Variants in TTI1 observed in about 807,000 individuals in gnomAD.
TTI1 encodes TELO2-interacting protein 1 homolog.
TTI1 carries 52 observed loss-of-function variants against 85.4 expected under a neutral mutation model. The ratio of observed to expected loss-of-function variants is 0.61; its 90% CI spans 0.49 to 0.77. The LOEUF (loss-of-function observed/expected upper bound fraction) is 0.77, where lower values mean the gene tolerates loss of function less well. Among genes scored for constraint, TTI1 ranks in the 30% least tolerant of loss-of-function variants. The pLI is 0.00. For missense variants in TTI1, 1,173 were observed against 1,296.0 expected (o/e 0.91, Z 1.46); for synonymous variants, 512 against 503.9 (o/e 1.02, Z -0.22).
At chr20:37,988,059 C>T (rs2073215523) in intron 7 of TTI1, among the ~76,000 whole-genome samples, 2 of 152,022 alleles carry the variant, frequency 1.3e-5, no homozygotes, top group Admixed American at 1.3e-4. Context: ...CAGGCCCTAA[C>T]TGAGGTGCTT....
chr20:37,999,130 G>A, intron 5 of TTI1, 58 bp downstream of exon 5: 1 of 1,323,132 alleles, frequency 7.6e-7, no homozygotes, highest in Admixed American at 3.0e-5. Context: ...GCCCCGGTGA[G>A]CTCTGTGCCT....
intron 4 of TTI1, chr20:38,000,494 G>A (rs2073409195): frequency 6.4e-6 from 1 of 155,652 alleles, no homozygotes; most frequent in African/African-American, 2.4e-5. Flanking sequence ...GCCAGCGCAG[G>A]CTTCCCTCCC....
At position 38,011,749 on chromosome 20, in the gene TTI1, G is replaced by A; in HGVS notation, c.2068C>T (p.Leu690=). 1 of 1,614,194 alleles carries A rather than the reference G, an allele frequency of 6.2e-7. No homozygotes were observed. Among genetic ancestry groups the A allele is most frequent in the East Asian group, 2.2e-5 (1 of 44,886 alleles). Residue 690 remains leucine (L), a synonymous_variant, in exon 2 of 8, where the codon CTG becomes TTG. Coordinates refer to ENST00000373447, the MANE Select transcript of TTI1 (RefSeq NM_001303457.2). ...AAATAGTCTGAATTTTGATTGATCA[G>A]GTGCTGCAGGGAGTCGTAGCCACAA... ...RACGYDSLQH[L]INQNSDYLVN...
chr20:37,995,982 G>A (rs1156800958), intron 7 of TTI1, among the ~76,000 whole-genome samples: 1 of 152,140 alleles, frequency 6.6e-6, no homozygotes, highest in Admixed American at 6.5e-5. Flanking sequence ...AAGACCTGCC[G>A]TGGAGTCGAC....
At position 38,006,019 on chromosome 20, in the gene TTI1, G is replaced by C. The variant is rs2073492584; in HGVS notation, c.2503+178C>G. 5 of 767,226 alleles carry C rather than the reference G, an allele frequency of 6.5e-6. No homozygotes were observed. The Admixed American group carries it at 1.2e-4, about 18-fold the overall frequency. 47.5% of individuals were successfully genotyped at this position (767,226 alleles called of 1,614,324 possible). A position where few individuals can be genotyped will look rare whatever the true frequency, so the allele number is the denominator to read the frequency against. On this transcript the variant is annotated intron_variant, in intron 3 of 7. Transcript: ENST00000373447. ...ACACAGCTGCAACCACGGAAAAACA[G>C]TTTTGTAACAGAAAAGAATGGAAAA...
Position 38,013,160 on chromosome 20 carries a change from C to T in TTI1, c.657G>A (p.Arg219=). The T allele has an allele frequency of 6.2e-7, 1 of 1,614,088 alleles. No individual in the cohort carries two copies. Among genetic ancestry groups the T allele is most frequent in the Middle Eastern group, 1.6e-4 (1 of 6,062 alleles). The change falls in exon 2 of 8, where the codon AGG becomes AGA. Residue 219 remains arginine (R), a synonymous_variant. Transcript: ENST00000373447. The part of the protein sequence containing the change: ...FLPGISTALT[R]LITGDFKQGH... ...CTTGTTTAAAGTCTCCTGTGATAAG[C>T]CTGGTCAGTGCAGTTGAGATTCCAG...
In TTI1 at chr20:37,996,357, G is replaced by A. The variant is rs1488538832; in HGVS notation, c.3086+18C>T. The A allele has an allele frequency of 1.2e-6, 2 of 1,613,466 alleles. No homozygotes were observed. The highest frequency in any genetic ancestry group is 1.3e-5 in the African/African-American group (1 of 74,902). Reference sequence around the variant, plus strand: ...TTAGAACAAACGTAAAGGGATGCGGGTGATCAGGCAGACGTACCTCCTGGC... The same window carrying A: ...TTAGAACAAACGTAAAGGGATGCGGATGATCAGGCAGACGTACCTCCTGGC... On this transcript the variant is annotated intron_variant, in intron 7 of 7. Transcript: ENST00000373447.
Position 37,993,745 on chromosome 20 carries a change from C to T in TTI1, c.3086+2630G>A, listed in dbSNP as rs538597792. Among the ~76,000 whole-genome samples the T allele has an allele frequency of 3.9e-5, 6 of 152,344 alleles. No individual in the cohort carries two copies. In the East Asian group the frequency reaches 1.2e-3, roughly 29 times the overall value. Reference sequence around the variant, plus strand: ...AGCAAGCTGGTCATCTGCCTAGGGTCGGAAACTCACTACCTCTGGCTTTTC... The same window carrying T: ...AGCAAGCTGGTCATCTGCCTAGGGTTGGAAACTCACTACCTCTGGCTTTTC... On this transcript the variant is annotated intron_variant, in intron 7 of 7. Transcript: ENST00000373447.
intron 4 of TTI1, among the ~76,000 whole-genome samples, chr20:38,000,963 GT>G (rs1347502093): frequency 6.6e-6 from 1 of 152,160 alleles, no homozygotes; most frequent in Non-Finnish European, 1.5e-5. Flanking sequence ...AGTCAGCAGG[GT>G]TTTGCACCGA....
intron 3 of TTI1, among the ~76,000 whole-genome samples, chr20:38,003,204 C>T (rs1386003338): frequency 6.6e-6 from 1 of 152,134 alleles, no homozygotes; most frequent in Non-Finnish European, 1.5e-5. Flanking sequence ...CTCAAGCAAT[C>T]CCCCTGCCGT....
At chr20:37,989,252 T>A (rs1310120350) in intron 7 of TTI1, among the ~76,000 whole-genome samples, 1 of 152,200 alleles carries the variant, frequency 6.6e-6, no homozygotes, top group Non-Finnish European at 1.5e-5. Context: ...AAACCATTCA[T>A]CTATCGATCT....
At chr20:38,022,812 T>G (rs1373202891) in intron 1 of TTI1, among the ~76,000 whole-genome samples, 1 of 152,206 alleles carries the variant, frequency 6.6e-6, no homozygotes, top group Non-Finnish European at 1.5e-5. Context: ...TAAGATGAAA[T>G]AGGTACTTGT....
At position 38,012,839 on chromosome 20, in the gene TTI1, G is replaced by C; in HGVS notation, c.978C>G (p.Val326=). The change falls in exon 2 of 8, where the codon GTC becomes GTG. Residue 326 remains valine (V), a synonymous_variant. Coordinates refer to ENST00000373447, the MANE Select transcript of TTI1 (RefSeq NM_001303457.2). ...DLLLKCSQSL[V]ECAGPLLKAL... ...CCTTCAGAAGGGGACCAGCACATTCGACCAATGATTGACTGCACTTCAAAA... is the reference window on the plus strand; with the variant it reads ...CCTTCAGAAGGGGACCAGCACATTCCACCAATGATTGACTGCACTTCAAAA... 1 of 1,614,066 alleles carries C rather than the reference G, an allele frequency of 6.2e-7. No homozygotes were observed. Among genetic ancestry groups the C allele is most frequent in the Non-Finnish European group, 8.5e-7 (1 of 1,180,016 alleles).
At chr20:38,008,295 G>A (rs931541743) in intron 2 of TTI1, among the ~76,000 whole-genome samples, 5 of 151,958 alleles carry the variant, frequency 3.3e-5, no homozygotes, top group Admixed American at 3.3e-4. Context: ...TTAATATACT[G>A]AGACATGTCC....
rs374531981 is a variant in TTI1 at position 37,997,005 on chromosome 20, G to C, written c.2794-52C>G. On this transcript the variant is annotated intron_variant, in intron 5 of 7. Transcript: ENST00000373447. ...AGTGAACATTGCCAAGGCAGCAAGA[G>C]AGCTAAAGAATGCTTGGTAATTCGA... The C allele has an allele frequency of 2.5e-6, 4 of 1,580,204 alleles. No homozygotes were observed. The African/African-American group carries it at 5.4e-5, about 21-fold the overall frequency.
intron 1 of TTI1, among the ~76,000 whole-genome samples, chr20:38,025,855 C>A (rs936854333): frequency 7.2e-5 from 11 of 152,112 alleles, no homozygotes; most frequent in Admixed American, 2.0e-4. Context: ...AGAAAAAAAT[C>A]TGTGAGCTGG....
At chr20:38,006,992 T>C (rs1325687089) in intron 2 of TTI1, among the ~76,000 whole-genome samples, 3 of 152,204 alleles carry the variant, frequency 2.0e-5, no homozygotes, top group East Asian at 1.9e-4. Flanking sequence ...CAAAGACTCT[T>C]AGGAGAGCAA....
intron 1 of TTI1, among the ~76,000 whole-genome samples, chr20:38,023,378 T>C (rs1300879977): frequency 6.6e-6 from 1 of 152,198 alleles, no homozygotes; most frequent in Non-Finnish European, 1.5e-5. Flanking sequence ...TCAGAATCAA[T>C]GTGGTGGGGG....
At chr20:38,018,890 C>T (rs1480771409) in intron 1 of TTI1, 1 of 151,812 alleles carries the variant, frequency 6.6e-6, no homozygotes, top group Non-Finnish European at 1.5e-5. Flanking sequence ...TGGCTCACAC[C>T]TATAATCCCA....
Sources: gnomAD v4.1 joint callset for allele counts (sites outside exome capture counted in the v4.1 genomes callset) on GRCh38, gnomAD v4.1.1 for gene constraint, MANE v1.5 for transcripts, NCBI Gene and HGNC (gene_info 2026-07-23, HGNC 2026-07-21) for gene names.